Variants in GPBP1L1 observed in about 807,000 individuals in gnomAD.
The protein encoded by GPBP1L1 is GC-rich promoter binding protein 1 like 1.
GPBP1L1 carries 23 observed loss-of-function variants against 52.5 expected under a neutral mutation model. The ratio of observed to expected loss-of-function variants is 0.44; its 90% CI spans 0.32 to 0.62. The LOEUF (loss-of-function observed/expected upper bound fraction) is 0.62, where lower values mean the gene tolerates loss of function less well. Among genes scored for constraint, GPBP1L1 ranks in the 20% least tolerant of loss-of-function variants. GPBP1L1 has a pLI of 0.06. For missense variants in GPBP1L1, 596 were observed against 579.3 expected, an observed-to-expected ratio of 1.03 and a Z score of -0.30; for synonymous variants, 243 against 203.1, an observed-to-expected ratio of 1.20 and a Z score of -1.67.
chr1:45,661,503 T>A (rs1644946733), intron 2 of GPBP1L1, among the ~76,000 whole-genome samples: 2 of 151,892 alleles, frequency 1.3e-5, no homozygotes, highest in South Asian at 4.2e-4. Context: ...TTGCCCAAGC[T>A]GGAGTGCAAT....
At chr1:45,664,299 C>A (rs1267100328) in intron 2 of GPBP1L1, among the ~76,000 whole-genome samples, 3 of 145,726 alleles carry the variant, frequency 2.1e-5, no homozygotes, top group Non-Finnish European at 3.0e-5. Flanking sequence ...CCAGCCTGGG[C>A]AACAGAGTGA....
intron 12 of GPBP1L1, 22 bp from the exon 13 acceptor site, chr1:45,628,430 A>C: frequency 1.2e-6 from 2 of 1,609,306 alleles, no homozygotes; most frequent in Non-Finnish European, 1.7e-6. Flanking sequence ...ATGGGAGAGA[A>C]AGAAAAAAGA....
At position 45,630,929 on chromosome 1, in the gene GPBP1L1, T is replaced by TG. The variant is rs996494603; in HGVS notation, c.1045-324dup. ...ATGGTAACAGTGCTCATAAGAGGTG[T>TG]GGGGGGAAAAAGTGTGGTACTGGCA... On this transcript the variant is annotated intron_variant, in intron 10 of 12. Transcript: ENST00000355105. 6.1e-4 allele frequency among the ~76,000 whole-genome samples: 92 copies of TG among 151,776 alleles called. 1 individual carries two copies. Among genetic ancestry groups the TG allele is most frequent in the African/African-American group, 1.5e-3 (63 of 41,386 alleles).
intron 6 of GPBP1L1, among the ~76,000 whole-genome samples, chr1:45,644,415 C>A (rs1569792246): frequency 6.6e-6 from 1 of 152,052 alleles, no homozygotes; most frequent in Non-Finnish European, 1.5e-5. Flanking sequence ...AAATATAAAA[C>A]AAATGAATAA....
At chr1:45,661,355 A>G (rs1644945171) in intron 2 of GPBP1L1, 130 bp from the exon 3 acceptor site, 1 of 152,226 alleles carries the variant, frequency 6.6e-6, no homozygotes, top group African/African-American at 2.4e-5. Flanking sequence ...CTTAAGTCCA[A>G]TTTAGATACT....
At position 45,633,614 on chromosome 1, in the gene GPBP1L1, T is replaced by G; in HGVS notation, c.919A>C (p.Ser307Arg). 1.2e-6 allele frequency: 2 copies of G among 1,613,984 alleles called. No individual in the cohort carries two copies. The highest frequency in any genetic ancestry group is 1.7e-6 in the Non-Finnish European group (2 of 1,179,982). The change falls in exon 10 of 13, where the codon AGC (serine) becomes CGC (arginine). Residue 307 changes from serine (S) to arginine (R), a missense_variant. Physicochemically the swap from Ser to Arg is moderately radical, Grantham distance 110 (BLOSUM62 -1). Transcript: ENST00000355105. ...GTCAACTTGGTCAGACGAGAGGAGCTGATCTCAATTGGAGGGGTGGTGCTG... is the reference window on the plus strand; with the variant it reads ...GTCAACTTGGTCAGACGAGAGGAGCGGATCTCAATTGGAGGGGTGGTGCTG... ...PSSTTPPIEISSSRLTKLTRR... is the reference protein window; with the variant it reads ...PSSTTPPIEIRSSRLTKLTRR...
chr1:45,679,406 T>A (rs184834698), intron 2 of GPBP1L1, among the ~76,000 whole-genome samples: 67 of 152,258 alleles, frequency 4.4e-4, no homozygotes, highest in Admixed American at 1.8e-3. Flanking sequence ...GGTCCTTGCA[T>A]CTTTGCATCT....
chr1:45,645,021 T>C (rs555577386), intron 6 of GPBP1L1, among the ~76,000 whole-genome samples: 1 of 152,328 alleles, frequency 6.6e-6, no homozygotes, highest in East Asian at 1.9e-4. Flanking sequence ...CTCGTCGTTA[T>C]TATTATTAAT....
chr1:45,683,299 G>A (rs564489610), intron 2 of GPBP1L1, among the ~76,000 whole-genome samples: 2 of 135,212 alleles, frequency 1.5e-5, no homozygotes, highest in South Asian at 2.4e-4. Flanking sequence ...TCTGCCTTCC[G>A]GATTCATGCC....
At chr1:45,657,656 C>T (rs1025615280) in intron 4 of GPBP1L1, among the ~76,000 whole-genome samples, 2 of 152,064 alleles carry the variant, frequency 1.3e-5, no homozygotes, top group Non-Finnish European at 2.9e-5. Context: ...TTCTAGACCA[C>T]CTTGGGCAAC....
At chr1:45,683,677 C>A (rs534020910) in intron 2 of GPBP1L1, among the ~76,000 whole-genome samples, 1 of 149,512 alleles carries the variant, frequency 6.7e-6, no homozygotes, top group African/African-American at 2.5e-5. Context: ...GAGTTCGAGA[C>A]CATTGCTTGA....
rs145874662 is a variant in GPBP1L1, at chr1:45,679,066, AAAAG to A, written c.-1098+6506_-1098+6509del. ...CCCTTACATTGCTTCTGTAATAATA[AAAAG>A]AAAGAATGACACGGAGAGTTTTAAT... is the stretch of plus-strand genomic sequence containing the variant. On this transcript the variant is annotated intron_variant, in intron 2 of 12. Transcript: ENST00000355105. Among the ~76,000 whole-genome samples, 464 of 152,328 alleles carry A rather than the reference AAAAG, an allele frequency of 3.0e-3. 4 individuals are homozygous for A. The highest frequency in any genetic ancestry group is 0.023 in the East Asian group (117 of 5,190).
intron 3 of GPBP1L1, among the ~76,000 whole-genome samples, chr1:45,659,752 C>A (rs567013965): frequency 1.2e-4 from 19 of 152,172 alleles, no homozygotes; most frequent in African/African-American, 4.1e-4. Context: ...CCAGTCTGGG[C>A]AACATGGCAA....
At chr1:45,670,757 T>C (rs559715594) in intron 2 of GPBP1L1, among the ~76,000 whole-genome samples, 1 of 152,064 alleles carries the variant, frequency 6.6e-6, no homozygotes, top group Admixed American at 6.5e-5. Context: ...CATTGGCTTA[T>C]TTACATATTT....
At chr1:45,633,899 T>G in intron 9 of GPBP1L1, 197 bp downstream of exon 9, 1 of 672,518 alleles carries the variant, frequency 1.5e-6, no homozygotes, top group Non-Finnish European at 2.4e-6. Flanking sequence ...TAGGATGACC[T>G]TGGTCCACCA....
Position 45,661,126 on chromosome 1 carries a change from T to C in GPBP1L1, c.-998A>G, listed in dbSNP as rs746151693. On this transcript the variant is annotated 5_prime_UTR_variant, in exon 3 of 13. It adds an upstream start codon to the 5' untranslated region. Transcript: ENST00000355105. ...TCTAAATTGAGCCACTGGAAGGAGA[T>C]ATGAAGAATCTTCTATGCTTTGGTA... is the stretch of plus-strand genomic sequence containing the variant. 7 of 152,242 alleles carry C rather than the reference T, an allele frequency of 4.6e-5. No homozygotes were observed. Among genetic ancestry groups the C allele is most frequent in the Non-Finnish European group, 1.0e-4 (7 of 68,040 alleles). 9.4% of individuals were successfully genotyped at this position (152,242 alleles called of 1,614,324 possible).
At chr1:45,676,988 G>A (rs1230744958) in intron 2 of GPBP1L1, among the ~76,000 whole-genome samples, 1 of 151,628 alleles carries the variant, frequency 6.6e-6, no homozygotes, top group Non-Finnish European at 1.5e-5. Flanking sequence ...CCAGGAGTTT[G>A]CCATCAACCT....
Position 45,630,567 on chromosome 1 carries a change from C to T in GPBP1L1, c.1084G>A (p.Glu362Lys). The T allele has an allele frequency of 6.2e-7, 1 of 1,614,036 alleles. No homozygotes were observed. The highest frequency in any genetic ancestry group is 8.5e-7 in the Non-Finnish European group (1 of 1,179,910). ...AGACCATTTTGATGACAGCCTTCCT[C>T]CCCATTTTCCTTTGGTTCAGGTGTG... is the stretch of plus-strand genomic sequence containing the variant. ...NSTPEPKENGEEGCHQNGLAL... is the reference protein window; with the variant it reads ...NSTPEPKENGKEGCHQNGLAL... Residue 362 changes from glutamate (E) to lysine (K), a missense_variant, in exon 11 of 13, where the codon GAG (glutamate) becomes AAG (lysine). Coordinates refer to ENST00000355105, the MANE Select transcript of GPBP1L1 (RefSeq NM_021639.5).
rs541163420 is a variant in GPBP1L1 at position 45,678,922 on chromosome 1, T to C, written c.-1098+6654A>G. 1.4e-4 allele frequency among the ~76,000 whole-genome samples: 21 copies of C among 152,288 alleles called. 1 individual carries two copies. In the South Asian group the frequency reaches 2.9e-3, roughly 21 times the overall value. On this transcript the variant is annotated intron_variant, in intron 2 of 12. Transcript: ENST00000355105. The stretch of plus-strand genomic sequence containing the variant: ...AAATAAAAATAGAAACCTAAACATA[T>C]GCACTTAGACTACAATCTGGAAAAA...
Sources: gnomAD v4.1 joint callset for allele counts (sites outside exome capture counted in the v4.1 genomes callset) on GRCh38, gnomAD v4.1.1 for gene constraint, MANE v1.5 for transcripts, NCBI Gene and HGNC (gene_info 2026-07-23, HGNC 2026-07-21) for gene names.